USP2: variants seen among roughly 807,000 people sequenced by gnomAD.
The protein encoded by USP2 is ubiquitin carboxyl-terminal hydrolase 2.
In USP2, 33 loss-of-function variants were observed where a neutral mutation model predicts 72.0. The ratio of observed to expected loss-of-function variants is 0.46; its 90% CI spans 0.35 to 0.61. The LOEUF is 0.61. USP2 is among the 20% of genes least tolerant of loss of function. The probability of loss-of-function intolerance (pLI) is 0.01; values close to 1 mark genes in which losing one functional copy is unlikely to be tolerated. For synonymous variants in USP2, 296 were observed against 312.5 expected, an observed-to-expected ratio of 0.95 and a Z score of 0.56; for missense variants, 691 against 797.8, an observed-to-expected ratio of 0.87 and a Z score of 1.61.
chr11:119,360,526 C>T (rs1470755600), intron 2 of USP2, among the ~76,000 whole-genome samples: 5 of 151,630 alleles, frequency 3.3e-5, no homozygotes, highest in East Asian at 1.9e-4. Context: ...TGGGTTCAAG[C>T]GATTTTCCTG....
At position 119,357,543 on chromosome 11, in the gene USP2, TTG is replaced by T; in HGVS notation, c.1547_1548del (p.Thr516AsnfsTer124). The T allele has an allele frequency of 6.2e-7, 1 of 1,614,180 alleles. No homozygotes were observed. Among genetic ancestry groups the T allele is most frequent in the Non-Finnish European group, 8.5e-7 (1 of 1,180,036 alleles). ...TCTCTTAGGGGGAAGTTCACAAATGTTGTGAGCTTGCTGGTTCGGATCCTGGA... is the reference window on the plus strand; with the variant it reads ...TCTCTTAGGGGGAAGTTCACAAATGTTGAGCTTGCTGGTTCGGATCCTGGA... The part of the protein sequence containing the change: ...SESRIRTSKL[T>X]TFVNFPLRDL... On this transcript the variant is annotated frameshift_variant, in exon 11 of 13. Coordinates refer to ENST00000260187, the MANE Select transcript of USP2 (RefSeq NM_004205.5). LOFTEE classifies it high-confidence loss of function.
chr11:119,368,254 T>C lies in USP2; in HGVS notation c.774+4453A>G, dbSNP rs565558772. Among the ~76,000 whole-genome samples, 16 of 152,284 alleles carry C rather than the reference T, an allele frequency of 1.1e-4. No homozygotes were observed. The South Asian group carries it at 3.3e-3, about 32-fold the overall frequency. ...ATGACCTCAGGAAGTTCAACCTCCTTAGGGTGGCTTAGTGATCCCGGGGTG... is the reference window on the plus strand; with the variant it reads ...ATGACCTCAGGAAGTTCAACCTCCTCAGGGTGGCTTAGTGATCCCGGGGTG... On this transcript the variant is annotated intron_variant, in intron 2 of 12. Coordinates refer to ENST00000260187, the MANE Select transcript of USP2 (RefSeq NM_004205.5).
At chr11:119,363,978 G>C in intron 2 of USP2, 6 of 1,227,910 alleles carry the variant, frequency 4.9e-6, no homozygotes, top group Non-Finnish European at 3.1e-6. Context: ...GCAGGGTCAC[G>C]GTGTACGAGG....
chr11:119,380,380 A>T lies in USP2; in HGVS notation c.-42+1093T>A, dbSNP rs143115468. Among the ~76,000 whole-genome samples the T allele has an allele frequency of 6.7e-3, 1,022 of 152,060 alleles. 8 individuals are homozygous for T. The highest frequency in any genetic ancestry group is 0.023 in the African/African-American group (954 of 41,464). ...TGGGCTCCTTCCCCCTTTGCCTAGA[A>T]AAATACGGCAAGTGCAGCTTCCCCC... On this transcript the variant is annotated intron_variant, in intron 1 of 12. Coordinates refer to ENST00000260187, the MANE Select transcript of USP2 (RefSeq NM_004205.5).
intron 7 of USP2, 100 bp from the exon 8 acceptor site, chr11:119,358,352 T>C: frequency 8.8e-7 from 1 of 1,140,370 alleles, no homozygotes; most frequent in Non-Finnish European, 1.3e-6. Context: ...AGTTTTGCTC[T>C]GTCCCCCAGG....
At position 119,360,206 on chromosome 11, in the gene USP2, C is replaced by T. The variant is rs369644789; in HGVS notation, c.803G>A (p.Gly268Asp). 1 of 1,613,810 alleles carries T rather than the reference C, an allele frequency of 6.2e-7. No individual in the cohort carries two copies. The highest frequency in any genetic ancestry group is 8.5e-7 in the Non-Finnish European group (1 of 1,179,990). ...CACCGTGTTCCCAAGGTTTCGAAGACCAGCCAGACCCTGGGCACTCTTAGA... is the reference window on the plus strand; with the variant it reads ...CACCGTGTTCCCAAGGTTTCGAAGATCAGCCAGACCCTGGGCACTCTTAGA... ...MNSKSAQGLAGLRNLGNTCFM... is the reference protein window; with the variant it reads ...MNSKSAQGLADLRNLGNTCFM... The change falls in exon 3 of 13, where the codon GGT (glycine) becomes GAT (aspartate). Residue 268 changes from glycine to aspartate, a missense_variant. Gly to Asp is a moderately conservative substitution (Grantham distance 94). Transcript: ENST00000260187.
At position 119,359,027 on chromosome 11, in the gene USP2, A is replaced by G. The variant is rs370403138; in HGVS notation, c.1169T>C (p.Leu390Pro). ...ACAGCATTCTCCTCTTACTTACGGA[A>G]GATGATCGAGGTTCTCAGGGTTGGA... ...PKSNPENLDH[L>P]PDDEKGRQMW... Residue 390 changes from leucine (L) to proline (P), a missense_variant, in exon 6 of 13, where the codon CTT becomes CCT. Leu to Pro is a moderately conservative substitution (Grantham distance 98). Transcript: ENST00000260187. 18 of 1,613,920 alleles carry G rather than the reference A, an allele frequency of 1.1e-5. No individual in the cohort carries two copies. The highest frequency in any genetic ancestry group is 1.5e-5 in the Non-Finnish European group (18 of 1,180,008).
chr11:119,362,973 C>A lies in USP2; in HGVS notation c.775-2739G>T, dbSNP rs563136648. Among the ~76,000 whole-genome samples, 66 of 152,324 alleles carry A rather than the reference C, an allele frequency of 4.3e-4. 1 individual carries two copies. The highest frequency in any genetic ancestry group is 8.2e-4 in the Non-Finnish European group (56 of 68,016). ...GGAGCGGGGGCTCAGGAGAGCCCTGCCTGGGTTAATGCAGAGGTAGCATCT... is the reference window on the plus strand; with the variant it reads ...GGAGCGGGGGCTCAGGAGAGCCCTGACTGGGTTAATGCAGAGGTAGCATCT... On this transcript the variant is annotated intron_variant, in intron 2 of 12. Transcript: ENST00000260187.
chr11:119,367,557 G>C (rs1422407882), intron 2 of USP2, among the ~76,000 whole-genome samples: 1 of 152,166 alleles, frequency 6.6e-6, no homozygotes, highest in East Asian at 1.9e-4. Context: ...GTTAGGGGTT[G>C]GGCTTTTGCC....
chr11:119,361,045 GA>G (rs1225708753), intron 2 of USP2, among the ~76,000 whole-genome samples: 1 of 152,192 alleles, frequency 6.6e-6, no homozygotes, highest in African/African-American at 2.4e-5. Context: ...CTTCAGTTGG[GA>G]AAAACTCAAG....
rs1233442721 is a variant in USP2, at chr11:119,373,583, G to GCTCC, written c.-41-66_-41-63dup. 6 of 1,404,330 alleles carry GCTCC rather than the reference G, an allele frequency of 4.3e-6. No individual in the cohort carries two copies. In the African/African-American group the frequency reaches 8.7e-5, roughly 20 times the overall value. The allele number at this position is 1,404,330 out of a possible 1,614,324, so 87.0% of individuals were successfully genotyped here. A position where few individuals can be genotyped will look rare whatever the true frequency, so the allele number is the denominator to read the frequency against. On this transcript the variant is annotated intron_variant, in intron 1 of 12. Coordinates refer to ENST00000260187, the MANE Select transcript of USP2 (RefSeq NM_004205.5). The stretch of plus-strand genomic sequence containing the variant: ...CCAGGTGTCGGGCTCCCACAGACCT[G>GCTCC]CTCCCCATCCTCAGCTGGGCCAGAA...
Position 119,357,266 on chromosome 11 carries a change from C to T in USP2, c.1651G>A (p.Gly551Arg), listed in dbSNP as rs1158074070. The change falls in exon 12 of 13, where the codon GGA (glycine) becomes AGA (arginine). Residue 551 changes from glycine (G) to arginine (R), a missense_variant. Coordinates refer to ENST00000260187, the MANE Select transcript of USP2 (RefSeq NM_004205.5). ...YNLYAVSNHS[G>R]TTMGGHYTAY... ...GTATAGTGGCCACCCATGGTGGTTC[C>T]GGAGTGATTGGACACAGCGTACAGG... 1.9e-6 allele frequency: 3 copies of T among 1,613,492 alleles called. No homozygotes were observed. The highest frequency in any genetic ancestry group is 1.7e-5 in the Admixed American group (1 of 59,972).
chr11:119,359,611 C>T lies in USP2; in HGVS notation c.875G>A (p.Arg292Lys). 6.2e-7 allele frequency: 1 copy of T among 1,614,026 alleles called. No individual in the cohort carries two copies. Among genetic ancestry groups the T allele is most frequent in the Non-Finnish European group, 8.5e-7 (1 of 1,180,022 alleles). Residue 292 changes from arginine to lysine, a missense_variant, in exon 4 of 13, where the codon AGA (arginine) becomes AAA (lysine). Coordinates refer to ENST00000260187, the MANE Select transcript of USP2 (RefSeq NM_004205.5). ...GTAGAGCCTCTGGAGGCAGTAATCT[C>T]TCAACTCCCGAGTGTTGCTCAGGCA... Reference protein sequence around the residue: ...LQCLSNTRELRDYCLQRLYMR... With the variant: ...LQCLSNTRELKDYCLQRLYMR...
chr11:119,376,645 T>G, intron 1 of USP2, among the ~76,000 whole-genome samples: 1 of 152,280 alleles, frequency 6.6e-6, no homozygotes, highest in East Asian at 1.9e-4. Context: ...GTTGCTTTGC[T>G]CAGTTTCCCT....
At chr11:119,381,111 C>T (rs748779400) in intron 1 of USP2, among the ~76,000 whole-genome samples, 4 of 152,170 alleles carry the variant, frequency 2.6e-5, no homozygotes, top group Non-Finnish European at 4.4e-5. Flanking sequence ...AGCAAACTGA[C>T]CGGGGAGCTT....
intron 2 of USP2, among the ~76,000 whole-genome samples, chr11:119,360,714 C>T (rs767575136): frequency 2.0e-5 from 3 of 152,174 alleles, no homozygotes; most frequent in African/African-American, 4.8e-5. Context: ...CGTGAGCCAC[C>T]GCGTCCTGCC....
intron 2 of USP2, among the ~76,000 whole-genome samples, chr11:119,362,437 C>A (rs1950778588): frequency 6.6e-6 from 1 of 152,018 alleles, no homozygotes; most frequent in Admixed American, 6.6e-5. Context: ...GGGGTTGATG[C>A]CTTTGTCTAA....
chr11:119,357,937 G>A, intron 9 of USP2, 44 bp downstream of exon 9: 1 of 1,613,628 alleles, frequency 6.2e-7, no homozygotes, highest in South Asian at 1.1e-5. Context: ...TTCCCAGTAG[G>A]TCCCACGGAA....
At chr11:119,357,140 G>GA in intron 12 of USP2, 47 bp downstream of exon 12, 1 of 1,604,574 alleles carries the variant, frequency 6.2e-7, no homozygotes, top group South Asian at 1.1e-5. Context: ...AGTGGGGGGA[G>GA]AGTGGGTGGC....
Sources: gnomAD v4.1 joint callset for allele counts (sites outside exome capture counted in the v4.1 genomes callset) on GRCh38, gnomAD v4.1.1 for gene constraint, MANE v1.5 for transcripts, NCBI Gene and HGNC (gene_info 2026-07-23, HGNC 2026-07-21) for gene names.